Variants in KLHL33 observed in about 807,000 individuals in gnomAD.
The protein encoded by KLHL33 is kelch-like protein 33.
A neutral mutation model predicts 60.8 loss-of-function variants in KLHL33; 46 were observed. The observed-to-expected ratio is 0.76, with a 90% CI of 0.60 to 0.97. The LOEUF is 0.97. Ranked by LOEUF, KLHL33 falls within the 50% of genes least tolerant of loss-of-function variation. The probability of loss-of-function intolerance (pLI) is 0.00; values close to 1 mark genes in which losing one functional copy is unlikely to be tolerated. For missense variants in KLHL33, 1,055 were observed against 1,000.0 expected (o/e 1.05, Z -0.74); for synonymous variants, 434 against 432.2 (o/e 1.00, Z -0.05).
chr14:20,432,744 A>G (rs536543557), intron 2 of KLHL33, among the ~76,000 whole-genome samples: 1 of 152,094 alleles, frequency 6.6e-6, no homozygotes, highest in East Asian at 1.9e-4. Flanking sequence ...CAACATGGTG[A>G]AACCCCATCT....
Position 20,428,960 on chromosome 14 carries a change from C to G in KLHL33, c.2283G>C (p.Leu761=), listed in dbSNP as rs1880384284. ...CAGCCCGAGGCCTTGGCAGAGTTCC[C>G]AGGCAGAGCCATCGGCCCAGGCCAG... ...YCPGLGRWLC[L]GTLPRPRAEM... Residue 761 remains leucine, a synonymous_variant, in exon 5 of 5, where the codon CTG becomes CTC. Coordinates refer to ENST00000636854, the MANE Select transcript of KLHL33 (RefSeq NM_001365790.2). The G allele has an allele frequency of 6.4e-7, 1 of 1,551,634 alleles. No homozygotes were observed. The highest frequency in any genetic ancestry group is 1.2e-5 in the South Asian group (1 of 84,066).
intron 2 of KLHL33, among the ~76,000 whole-genome samples, chr14:20,431,029 T>C (rs1880496640): frequency 1.3e-5 from 2 of 152,238 alleles, no homozygotes; most frequent in Admixed American, 6.5e-5. Context: ...TAGATAAACA[T>C]TGCTTTAGTC....
In KLHL33 at chr14:20,426,923, A is replaced by C. The variant is rs1880294441; in HGVS notation, c.*1926T>G. 6.7e-6 allele frequency: 1 copy of C among 148,568 alleles called. No individual in the cohort carries two copies. Among genetic ancestry groups the C allele is most frequent in the Non-Finnish European group, 1.5e-5 (1 of 67,612 alleles). 9.2% of individuals were successfully genotyped at this position (148,568 alleles called of 1,614,324 possible). A position where few individuals can be genotyped will look rare whatever the true frequency, so the allele number is the denominator to read the frequency against. On this transcript the variant is annotated 3_prime_UTR_variant, in exon 5 of 5. Coordinates refer to ENST00000636854, the MANE Select transcript of KLHL33 (RefSeq NM_001365790.2). ...TGGAAATCATCATTCTCAGTAAACT[A>C]TCGCAAGGACAAAAAAACCAAACAC...
chr14:20,429,291 A>G lies in KLHL33; in HGVS notation c.1952T>C (p.Leu651Pro), dbSNP rs1301630252. 1.3e-6 allele frequency: 2 copies of G among 1,551,594 alleles called. No individual in the cohort carries two copies. Among genetic ancestry groups the G allele is most frequent in the African/African-American group, 2.7e-5 (2 of 73,042 alleles). Reference sequence around the variant, plus strand: ...CTCAAGTTTGGGGTCATAGTGCATCAGTGAGGCCAGGTATTGGCCAGTCCC... The same window carrying G: ...CTCAAGTTTGGGGTCATAGTGCATCGGTGAGGCCAGGTATTGGCCAGTCCC... ...CGGTGQYLASLMHYDPKLEKP... is the reference protein window; with the variant it reads ...CGGTGQYLASPMHYDPKLEKP... The change falls in exon 5 of 5, where the codon CTG (leucine) becomes CCG (proline). Residue 651 changes from leucine to proline, a missense_variant. By Grantham distance (98) the Leu-to-Pro change is moderately conservative. Transcript: ENST00000636854.
In KLHL33 at chr14:20,429,013, G is replaced by A. The variant is rs1290107095; in HGVS notation, c.2230C>T (p.Leu744Phe). ...CAGTAGGCATGGATAAGGTGAGAGA[G>A]GGCATAAGTACGGTGACTGTAGCCC... ...LGGYSHRTYA[L>F]SHLIHAYCPG... The change falls in exon 5 of 5, where the codon CTC becomes TTC. Residue 744 changes from leucine (L) to phenylalanine (F), a missense_variant. Leu to Phe is a conservative substitution (Grantham distance 22). Coordinates refer to ENST00000636854, the MANE Select transcript of KLHL33 (RefSeq NM_001365790.2). 1.9e-6 allele frequency: 3 copies of A among 1,551,744 alleles called. No individual in the cohort carries two copies. The highest frequency in any genetic ancestry group is 1.4e-5 in the African/African-American group (1 of 73,176).
In KLHL33 at chr14:20,430,728, G is replaced by A; in HGVS notation, c.749-9C>T. ...CAGGGCGGCTCGGTGCACTGCAGGA[G>A]GGGAGAAGGAATAGAGGAGGACTCA... On this transcript the variant is annotated splice_polypyrimidine_tract_variant and intron_variant, in intron 2 of 4. Coordinates refer to ENST00000636854, the MANE Select transcript of KLHL33 (RefSeq NM_001365790.2). 1 of 1,493,812 alleles carries A rather than the reference G, an allele frequency of 6.7e-7. No homozygotes were observed. Among genetic ancestry groups the A allele is most frequent in the Non-Finnish European group, 8.9e-7 (1 of 1,124,508 alleles). 92.5% of individuals were successfully genotyped at this position (1,493,812 alleles called of 1,614,324 possible). A position where few individuals can be genotyped will look rare whatever the true frequency, so the allele number is the denominator to read the frequency against.
intron 2 of KLHL33, among the ~76,000 whole-genome samples, chr14:20,434,820 T>A (rs1880630470): frequency 6.6e-6 from 1 of 152,124 alleles, no homozygotes; most frequent in Non-Finnish European, 1.5e-5. Flanking sequence ...GATTCCTTGT[T>A]ACTGGACACA....
rs969934316 is a variant in KLHL33, at chr14:20,426,680, G to A, written c.*2169C>T. 3 of 151,918 alleles carry A rather than the reference G, an allele frequency of 2.0e-5. No individual in the cohort carries two copies. The highest frequency in any genetic ancestry group is 2.0e-4 in the Admixed American group (3 of 15,252). 9.4% of individuals were successfully genotyped at this position (151,918 alleles called of 1,614,324 possible). ...CATTTGACCCAGCCATCCCATTACT[G>A]GGTATATGCCCAAAGGAATATAAAT... On this transcript the variant is annotated 3_prime_UTR_variant, in exon 5 of 5. Coordinates refer to ENST00000636854, the MANE Select transcript of KLHL33 (RefSeq NM_001365790.2).
intron 2 of KLHL33, among the ~76,000 whole-genome samples, chr14:20,431,165 G>A (rs796678642): frequency 9.2e-5 from 14 of 152,270 alleles, no homozygotes; most frequent in African/African-American, 2.9e-4. Context: ...TGTCTATATC[G>A]TGACAAAATA....
At position 20,427,074 on chromosome 14, in the gene KLHL33, C is replaced by A. The variant is rs1880305844; in HGVS notation, c.*1775G>T. 2 of 150,384 alleles carry A rather than the reference C, an allele frequency of 1.3e-5. No individual in the cohort carries two copies. Among genetic ancestry groups the A allele is most frequent in the Non-Finnish European group, 1.5e-5 (1 of 67,676 alleles). The allele number at this position is 150,384 out of a possible 1,614,324, so 9.3% of individuals were successfully genotyped here. ...GGGAAGGATAGCATTAGGAGATATA[C>A]CTAATGCTAAATGACGAGTTAATGG... On this transcript the variant is annotated 3_prime_UTR_variant, in exon 5 of 5. Coordinates refer to ENST00000636854, the MANE Select transcript of KLHL33 (RefSeq NM_001365790.2).
rs1281884099 is a variant in KLHL33 at position 20,430,683 on chromosome 14, A to G, written c.785T>C (p.Phe262Ser). 6.5e-7 allele frequency: 1 copy of G among 1,532,448 alleles called. No individual in the cohort carries two copies. Among genetic ancestry groups the G allele is most frequent in the South Asian group, 1.2e-5 (1 of 83,612 alleles). The allele number at this position is 1,532,448 out of a possible 1,614,324, so 94.9% of individuals were successfully genotyped here. ...CATCCCGCTCAGGAGCATGGCCCCA[A>G]AGAACTCACTGCCACAGGCCAGGGC... ...RAALACGSEF[F>S]GAMLLSGMRE... The change falls in exon 3 of 5, where the codon TTT becomes TCT. Residue 262 changes from phenylalanine to serine, a missense_variant. Transcript: ENST00000636854.
chr14:20,435,493 G>A lies in KLHL33; in HGVS notation c.319C>T (p.Arg107Trp). 8.1e-7 allele frequency: 1 copy of A among 1,234,600 alleles called. No homozygotes were observed. Among genetic ancestry groups the A allele is most frequent in the South Asian group, 4.1e-5 (1 of 24,424 alleles). The allele number at this position is 1,234,600 out of a possible 1,614,324, so 76.5% of individuals were successfully genotyped here. A position where few individuals can be genotyped will look rare whatever the true frequency, so the allele number is the denominator to read the frequency against. The change falls in exon 2 of 5, where the codon CGG becomes TGG. Residue 107 changes from arginine (R) to tryptophan (W), a missense_variant. Physicochemically the swap from Arg to Trp is moderately radical, Grantham distance 101. Coordinates refer to ENST00000636854, the MANE Select transcript of KLHL33 (RefSeq NM_001365790.2). ...TCGTCCAGCAACAGTCTCTGCTCCCGCAGCCGCTGGGCCTCGGCGAAAAAC... is the reference window on the plus strand; with the variant it reads ...TCGTCCAGCAACAGTCTCTGCTCCCACAGCCGCTGGGCCTCGGCGAAAAAC... The part of the protein sequence containing the change: ...SQFFAEAQRL[R>W]EQRLLLDEEV...
chr14:20,432,984 A>AAGAAAGAAAGAAAGAG (rs1016426715), intron 2 of KLHL33, among the ~76,000 whole-genome samples: 7 of 151,610 alleles, frequency 4.6e-5, no homozygotes, highest in Non-Finnish European at 7.4e-5. Context: ...GAAAGAAAGA[A>AAGAAAGAAAGAAAGAG]AGAGAGAAAT....
At position 20,435,322 on chromosome 14, in the gene KLHL33, C is replaced by A. The variant is rs1880652068; in HGVS notation, c.490G>T (p.Val164Leu). ...ACCCCCTCATAGGCAAAGGTCAGCA[C>A]GGCCTCCCAGCCCCCTGGGGACACC... ...LEVSPGGWEA[V>L]LTFAYEGVLG... The change falls in exon 2 of 5, where the codon GTG becomes TTG. Residue 164 changes from valine to leucine, a missense_variant. By Grantham distance (32) the Val-to-Leu change is conservative. Coordinates refer to ENST00000636854, the MANE Select transcript of KLHL33 (RefSeq NM_001365790.2). The A allele has an allele frequency of 8.1e-7, 1 of 1,234,366 alleles. No homozygotes were observed. Among genetic ancestry groups the A allele is most frequent in the Non-Finnish European group, 1.0e-6 (1 of 988,160 alleles). The allele number at this position is 1,234,366 out of a possible 1,614,324, so 76.5% of individuals were successfully genotyped here.
chr14:20,435,707 A>G lies in KLHL33; in HGVS notation c.105T>C (p.Pro35=). The G allele has an allele frequency of 8.1e-7, 1 of 1,234,862 alleles. No individual in the cohort carries two copies. Among genetic ancestry groups the G allele is most frequent in the Non-Finnish European group, 1.0e-6 (1 of 988,532 alleles). 76.5% of individuals were successfully genotyped at this position (1,234,862 alleles called of 1,614,324 possible). A position where few individuals can be genotyped will look rare whatever the true frequency, so the allele number is the denominator to read the frequency against. The stretch of plus-strand genomic sequence containing the variant: ...CCTCGTCGGGGGAGGGAGGCCAGGA[A>G]GGGGTTCTCTGGGCGTGCACAAGGA... ...LGLLVHAQRT[P]SWPPSPDEDP... Residue 35 remains proline, a synonymous_variant, in exon 2 of 5, where the codon CCT becomes CCC. Transcript: ENST00000636854.
Position 20,429,375 on chromosome 14 carries a change from C to T in KLHL33, c.1868G>A (p.Cys623Tyr). ...WRPAPALPAP[C>Y]FAHAAAILEG... ...CAAAATCGCAGCTGCGTGGGCAAAACATGGTGCTGGAAGTGCAGGTGCTGG... is the reference window on the plus strand; with the variant it reads ...CAAAATCGCAGCTGCGTGGGCAAAATATGGTGCTGGAAGTGCAGGTGCTGG... Residue 623 changes from cysteine (C) to tyrosine (Y), a missense_variant, in exon 5 of 5, where the codon TGT becomes TAT. Physicochemically the swap from Cys to Tyr is radical, Grantham distance 194. Coordinates refer to ENST00000636854, the MANE Select transcript of KLHL33 (RefSeq NM_001365790.2). The T allele has an allele frequency of 6.4e-7, 1 of 1,551,788 alleles. No homozygotes were observed. Among genetic ancestry groups the T allele is most frequent in the Non-Finnish European group, 8.7e-7 (1 of 1,146,978 alleles).
intron 2 of KLHL33, among the ~76,000 whole-genome samples, chr14:20,434,420 A>G (rs996774834): frequency 6.6e-6 from 1 of 152,158 alleles, no homozygotes; most frequent in Non-Finnish European, 1.5e-5. Flanking sequence ...AGGTGCCTGT[A>G]ATCCCAGCTA....
rs1169469956 is a variant in KLHL33 at position 20,430,419 on chromosome 14, C to A, written c.1049G>T (p.Gly350Val). ...LALFPMAEAPGLERLWSKARH... is the reference protein window; with the variant it reads ...LALFPMAEAPVLERLWSKARH... ...GGCTTTGCTCCAGAGCCTCTCCAAC[C>A]CAGGGGCTTCCGCCATGGGGAACAG... is the stretch of plus-strand genomic sequence containing the variant. The change falls in exon 3 of 5, where the codon GGG (glycine) becomes GTG (valine). Residue 350 changes from glycine to valine, a missense_variant. Transcript: ENST00000636854. 3.9e-6 allele frequency: 6 copies of A among 1,551,630 alleles called. No individual in the cohort carries two copies. The African/African-American group carries it at 5.5e-5, about 14-fold the overall frequency.
At chr14:20,433,380 C>T (rs1295749861) in intron 2 of KLHL33, among the ~76,000 whole-genome samples, 5 of 152,198 alleles carry the variant, frequency 3.3e-5, no homozygotes, top group African/African-American at 1.2e-4. Flanking sequence ...CTGAGGCATG[C>T]GTGCCTTTCC....
Sources: allele counts gnomAD v4.1 joint callset (sites outside exome capture counted in the v4.1 genomes callset), GRCh38; gene constraint gnomAD v4.1.1; transcripts MANE v1.5; gene names NCBI Gene and HGNC (gene_info 2026-07-23, HGNC 2026-07-21).